Variants in CTIF observed in about 807,000 individuals in gnomAD.
CTIF encodes the protein CBP80/20-dependent translation initiation factor.
CTIF carries 21 observed loss-of-function variants against 66.0 expected under a neutral mutation model. The observed-to-expected ratio is 0.32, with a 90% CI of 0.23 to 0.46. CTIF has a LOEUF of 0.46. Among genes scored for constraint, CTIF ranks in the 20% least tolerant of loss-of-function variants. The pLI is 1.00. For missense variants in CTIF, 739 were observed against 812.7 expected (o/e 0.91, Z 1.10); for synonymous variants, 345 against 326.4 (o/e 1.06, Z -0.62).
chr18:48,670,020 G>T (rs1041200956), intron 5 of CTIF, among the ~76,000 whole-genome samples: 1 of 151,244 alleles, frequency 6.6e-6, no homozygotes, highest in Admixed American at 6.6e-5. Context: ...GTACAGAGAG[G>T]TTAAACAACT....
intron 6 of CTIF, among the ~76,000 whole-genome samples, chr18:48,685,653 T>C (rs2091827604): frequency 6.6e-6 from 1 of 152,148 alleles, no homozygotes; most frequent in African/African-American, 2.4e-5. Context: ...CTTCCAGGCC[T>C]CACTGCTATG....
At chr18:48,811,459 C>CA (rs1266435464) in intron 9 of CTIF, among the ~76,000 whole-genome samples, 1 of 152,034 alleles carries the variant, frequency 6.6e-6, no homozygotes, top group Non-Finnish European at 1.5e-5. Flanking sequence ...TCAAGCATTT[C>CA]TAAGTGTACA....
At chr18:48,555,038 C>G (rs1225498269) in intron 1 of CTIF, among the ~76,000 whole-genome samples, 1 of 152,214 alleles carries the variant, frequency 6.6e-6, no homozygotes. Flanking sequence ...TAAGGTTTCT[C>G]TGGATAAGGT....
chr18:48,706,416 G>T (rs748110379), intron 6 of CTIF, among the ~76,000 whole-genome samples: 2 of 152,160 alleles, frequency 1.3e-5, no homozygotes, highest in Non-Finnish European at 2.9e-5. Context: ...CACAGTGTCA[G>T]CTGGTCACAG....
chr18:48,598,744 C>G (rs2090033515), intron 1 of CTIF, among the ~76,000 whole-genome samples: 2 of 152,272 alleles, frequency 1.3e-5, no homozygotes, highest in South Asian at 4.1e-4. Flanking sequence ...ATGATAGCAC[C>G]AATAAGGACA....
chr18:48,647,216 G>C (rs1040320891), intron 3 of CTIF, among the ~76,000 whole-genome samples: 26 of 152,228 alleles, frequency 1.7e-4, no homozygotes, highest in African/African-American at 5.1e-4. Context: ...CGCATACTCT[G>C]CAATTCCATT....
chr18:48,686,749 C>A (rs767021369), intron 6 of CTIF, among the ~76,000 whole-genome samples: 1 of 152,164 alleles, frequency 6.6e-6, no homozygotes, highest in African/African-American at 2.4e-5. Flanking sequence ...AACACCTGAG[C>A]CTTGCCTCTC....
At chr18:48,692,349 A>G (rs946624973) in intron 6 of CTIF, among the ~76,000 whole-genome samples, 1 of 124,130 alleles carries the variant, frequency 8.1e-6, no homozygotes, top group Non-Finnish European at 1.5e-5. Flanking sequence ...AAAAAAAAAA[A>G]CCACCCTTAC....
chr18:48,745,513 G>A (rs8084596), intron 7 of CTIF, among the ~76,000 whole-genome samples: 2,822 of 152,306 alleles, frequency 0.019, 51 homozygotes, highest in African/African-American at 0.048. Context: ...TGAAACAATT[G>A]TTCTTATGGT....
intron 7 of CTIF, among the ~76,000 whole-genome samples, chr18:48,723,247 C>T (rs563218733): frequency 8.0e-4 from 121 of 152,118 alleles, no homozygotes; most frequent in African/African-American, 2.7e-3. Flanking sequence ...CTCACATGCA[C>T]GGGGAGCTAA....
intron 2 of CTIF, chr18:48,621,767 G>A: frequency 4.1e-6 from 1 of 245,866 alleles, no homozygotes; most frequent in Non-Finnish European, 8.1e-6. Flanking sequence ...TGGAGACTAG[G>A]AGAATAGTAC....
chr18:48,673,825 A>G (rs2091579660), intron 6 of CTIF: 1 of 152,256 alleles, frequency 6.6e-6, no homozygotes, highest in South Asian at 2.1e-4. Context: ...GTTTTAGCTC[A>G]TCAGCTATCA....
At chr18:48,707,009 T>G (rs1369459796) in intron 6 of CTIF, among the ~76,000 whole-genome samples, 1 of 152,154 alleles carries the variant, frequency 6.6e-6, no homozygotes, top group Non-Finnish European at 1.5e-5. Context: ...CAGGGCCTGG[T>G]GGGTAGTCCC....
intron 1 of CTIF, among the ~76,000 whole-genome samples, chr18:48,596,561 T>C (rs1218598518): frequency 1.3e-5 from 2 of 151,646 alleles, no homozygotes; most frequent in Admixed American, 6.6e-5. Context: ...GCTCACTACC[T>C]CTGCCTCCCG....
chr18:48,629,394 C>A (rs2090661869), intron 2 of CTIF, among the ~76,000 whole-genome samples: 1 of 151,982 alleles, frequency 6.6e-6, no homozygotes, highest in South Asian at 2.1e-4. Context: ...ACATTTGTAC[C>A]CACACTCTCT....
chr18:48,763,464 A>G (rs1909210375), intron 9 of CTIF, among the ~76,000 whole-genome samples: 1 of 152,232 alleles, frequency 6.6e-6, no homozygotes, highest in Admixed American at 6.5e-5. Context: ...ATCAACCACA[A>G]CGTGCACTGG....
At chr18:48,747,866 G>A (rs1907391850) in intron 7 of CTIF, among the ~76,000 whole-genome samples, 1 of 151,738 alleles carries the variant, frequency 6.6e-6, no homozygotes, top group Non-Finnish European at 1.5e-5. Context: ...TGCATGAACT[G>A]TGATCATGCC....
At chr18:48,814,268 A>G (rs1295547497) in intron 9 of CTIF, among the ~76,000 whole-genome samples, 1 of 152,242 alleles carries the variant, frequency 6.6e-6, no homozygotes, top group Non-Finnish European at 1.5e-5. Context: ...ATAAAGGCCT[A>G]GAGTTGTGGT....
At chr18:48,620,036 TG>T (rs912241361) in intron 2 of CTIF, among the ~76,000 whole-genome samples, 2 of 152,226 alleles carry the variant, frequency 1.3e-5, no homozygotes, top group African/African-American at 4.8e-5. Flanking sequence ...GTACTGACTA[TG>T]TGCTGAACGC....
Sources: allele counts gnomAD v4.1 joint callset (sites outside exome capture counted in the v4.1 genomes callset), GRCh38; gene constraint gnomAD v4.1.1; transcripts MANE v1.5; gene names NCBI Gene and HGNC (gene_info 2026-07-23, HGNC 2026-07-21).